Variants in PRTG observed in about 807,000 individuals in gnomAD.
PRTG encodes the protein protogenin.
PRTG carries 67 observed loss-of-function variants against 122.5 expected under a neutral mutation model. The observed-to-expected ratio is 0.55, with a 90% CI of 0.45 to 0.67. The LOEUF (loss-of-function observed/expected upper bound fraction) is 0.67. Among genes scored for constraint, PRTG ranks in the 30% least tolerant of loss-of-function variants. PRTG has a pLI of 0.00. For synonymous variants in PRTG, 554 were observed against 501.1 expected (o/e 1.11, Z -1.41); for missense variants, 1,435 against 1,415.4 (o/e 1.01, Z -0.22).
At chr15:55,720,194 C>G (rs912954080) in intron 2 of PRTG, among the ~76,000 whole-genome samples, 5 of 152,108 alleles carry the variant, frequency 3.3e-5, no homozygotes, top group African/African-American at 1.2e-4. Context: ...GCCAGGCCAA[C>G]ATGGTGAAAC....
chr15:55,738,326 C>A (rs568942562), intron 2 of PRTG: 1 of 554,626 alleles, frequency 1.8e-6, no homozygotes, highest in South Asian at 2.9e-5. Context: ...CTATCACACA[C>A]CATTCACATT....
At chr15:55,679,243 C>T (rs1352435052) in intron 7 of PRTG, 43 bp downstream of exon 7, 7 of 1,317,524 alleles carry the variant, frequency 5.3e-6, no homozygotes, top group East Asian at 4.7e-5. Context: ...TTACTAAAGC[C>T]ATTATATCAT....
chr15:55,734,589 A>T (rs544061856), intron 2 of PRTG, among the ~76,000 whole-genome samples: 39 of 150,888 alleles, frequency 2.6e-4, no homozygotes, highest in South Asian at 2.5e-3. Flanking sequence ...AAGCTATTTT[A>T]TATATATATA....
chr15:55,693,017 T>TG (rs2059613021), intron 2 of PRTG, among the ~76,000 whole-genome samples: 2 of 151,718 alleles, frequency 1.3e-5, no homozygotes, highest in South Asian at 4.2e-4. Context: ...ATTTTTTTTT[T>TG]TTTTGTATTT....
At chr15:55,629,371 ATATATGTGTGTGTGTGTGTGTGTGTG>A (rs1217706395) in intron 15 of PRTG, among the ~76,000 whole-genome samples, 15 of 35,558 alleles carry the variant, frequency 4.2e-4, no homozygotes, top group African/African-American at 1.2e-3. Flanking sequence ...ATATATATAT[ATATATGTGTGTGTGTGTGTGTGTGTG>A]TGTGTGTGTG....
At chr15:55,659,432 G>T (rs1451097067) in intron 11 of PRTG, among the ~76,000 whole-genome samples, 1 of 151,994 alleles carries the variant, frequency 6.6e-6, no homozygotes, top group African/African-American at 2.4e-5. Context: ...TTATCTTTCA[G>T]ATCTCAAATT....
At chr15:55,684,157 C>T (rs545654970) in intron 2 of PRTG, among the ~76,000 whole-genome samples, 5 of 152,160 alleles carry the variant, frequency 3.3e-5, no homozygotes, top group South Asian at 4.1e-4. Context: ...TAAATAGGTT[C>T]GCAAGAAATT....
intron 1 of PRTG, among the ~76,000 whole-genome samples, chr15:55,741,645 TG>T (rs1373983189): frequency 6.6e-6 from 1 of 152,150 alleles, no homozygotes; most frequent in Admixed American, 6.6e-5. Context: ...TGGGGGTGTG[TG>T]GGGGAAGCGT....
intron 16 of PRTG, among the ~76,000 whole-genome samples, 170 bp from the exon 17 acceptor site, chr15:55,627,298 A>T (rs2059200278): frequency 6.6e-6 from 1 of 151,682 alleles, no homozygotes; most frequent in Non-Finnish European, 1.5e-5. Flanking sequence ...CAGTGATTTC[A>T]GAGACAGATT....
chr15:55,646,810 T>C (rs1370069210), intron 11 of PRTG, among the ~76,000 whole-genome samples: 1 of 152,228 alleles, frequency 6.6e-6, no homozygotes, highest in Non-Finnish European at 1.5e-5. Context: ...CATTTACATT[T>C]TGTCCCTAGC....
Position 55,740,473 on chromosome 15 carries a change from T to C in PRTG, c.306A>G (p.Arg102=), listed in dbSNP as rs1263888959. Residue 102 remains arginine, a synonymous_variant, in exon 2 of 20, where the codon CGA becomes CGG. Coordinates refer to ENST00000389286, the MANE Select transcript of PRTG (RefSeq NM_173814.6). ...AAAATCCTTCATCGGACTGCTCTCC[T>C]CGCCTGCCTTCCACCTCACTGATGT... The part of the protein sequence containing the change: ...SLYISEVEGR[R]GEQSDEGFYQ... 1.9e-6 allele frequency: 3 copies of C among 1,614,206 alleles called. No individual in the cohort carries two copies. Among genetic ancestry groups the C allele is most frequent in the Non-Finnish European group, 1.7e-6 (2 of 1,180,026 alleles).
At chr15:55,625,454 T>TC (rs2059189301) in intron 17 of PRTG, among the ~76,000 whole-genome samples, 1 of 151,860 alleles carries the variant, frequency 6.6e-6, no homozygotes, top group South Asian at 2.1e-4. Context: ...AATTGTGTTT[T>TC]CTTTTTTTTT....
chr15:55,731,431 C>T (rs2031229911), intron 2 of PRTG, among the ~76,000 whole-genome samples: 1 of 141,654 alleles, frequency 7.1e-6, no homozygotes, highest in South Asian at 2.2e-4. Flanking sequence ...AGTACAACGG[C>T]ATGCTCTCGG....
intron 15 of PRTG, among the ~76,000 whole-genome samples, chr15:55,633,509 C>T (rs774932751): frequency 4.6e-5 from 7 of 152,108 alleles, no homozygotes; most frequent in East Asian, 1.9e-4. Context: ...TTTTGATTCA[C>T]AAAAACTACC....
At chr15:55,701,560 CCTGCATTCTCATCT>C (rs2059664076) in intron 2 of PRTG, among the ~76,000 whole-genome samples, 1 of 151,578 alleles carries the variant, frequency 6.6e-6, no homozygotes. Context: ...AAAACAAAAC[CCTGCATTCTCATCT>C]CTAAATATTT....
intron 2 of PRTG, among the ~76,000 whole-genome samples, chr15:55,714,205 G>GTCTCTCTC (rs3049129): frequency 0.15 from 21,112 of 142,570 alleles, 1,834 homozygotes; most frequent in Admixed American, 0.22. Context: ...CTATTTATCT[G>GTCTCTCTC]TCTCTCTCTC....
chr15:55,728,616 G>T (rs994533542), intron 2 of PRTG, among the ~76,000 whole-genome samples: 24 of 152,112 alleles, frequency 1.6e-4, no homozygotes, highest in Non-Finnish European at 2.5e-4. Flanking sequence ...ATGATAAAGG[G>T]CATTTATTTA....
intron 2 of PRTG, among the ~76,000 whole-genome samples, chr15:55,700,498 C>T (rs1310232082): frequency 6.6e-6 from 1 of 152,088 alleles, no homozygotes; most frequent in African/African-American, 2.4e-5. Flanking sequence ...AAATAACCTT[C>T]TGGCTGGCAA....
At chr15:55,625,941 T>C (rs1258760071) in intron 17 of PRTG, among the ~76,000 whole-genome samples, 1 of 151,988 alleles carries the variant, frequency 6.6e-6, no homozygotes, top group Non-Finnish European at 1.5e-5. Context: ...TTTGTAGAGA[T>C]AAGATCTCAC....
Sources: gnomAD v4.1 joint callset for allele counts (sites outside exome capture counted in the v4.1 genomes callset) on GRCh38, gnomAD v4.1.1 for gene constraint, MANE v1.5 for transcripts, NCBI Gene and HGNC (gene_info 2026-07-23, HGNC 2026-07-21) for gene names.